Variants in CACNA1C observed in about 807,000 individuals in gnomAD.
CACNA1C encodes the protein voltage-dependent L-type calcium channel subunit alpha-1C.
A neutral mutation model predicts 229.0 loss-of-function variants in CACNA1C; 30 were observed. That is an observed-to-expected ratio of 0.13 (90% confidence interval 0.10 to 0.18). The LOEUF (loss-of-function observed/expected upper bound fraction) is 0.18, where lower values mean the gene tolerates loss of function less well. CACNA1C is among the 10% of genes least tolerant of loss of function. The probability of loss-of-function intolerance (pLI) is 1.00; values close to 1 mark genes in which losing one functional copy is unlikely to be tolerated. For synonymous variants in CACNA1C, 1,114 were observed against 1,132.5 expected (o/e 0.98, Z 0.33); for missense variants, 1,658 against 2,845.0 (o/e 0.58, Z 9.49).
intron 10 of CACNA1C, among the ~76,000 whole-genome samples, chr12:2,554,423 T>C (rs115898685): frequency 2.0e-5 from 3 of 152,304 alleles, no homozygotes; most frequent in East Asian, 3.9e-4. Context: ...TTGTGCCTCA[T>C]TGGAACAACA....
chr12:2,549,636 A>G (rs1292092126), intron 9 of CACNA1C, among the ~76,000 whole-genome samples: 4 of 152,156 alleles, frequency 2.6e-5, no homozygotes, highest in Non-Finnish European at 4.4e-5. Context: ...CAGTCCACAG[A>G]GTGGAGAGGA....
chr12:2,619,941 G>T (rs1311323813), intron 29 of CACNA1C, among the ~76,000 whole-genome samples: 1 of 152,070 alleles, frequency 6.6e-6, no homozygotes, highest in African/African-American at 2.4e-5. Context: ...CCTCTCATTT[G>T]TCACTAGGAA....
chr12:2,169,461 G>A lies in CACNA1C; in HGVS notation c.477+49031G>A, dbSNP rs541444834. Among the ~76,000 whole-genome samples the A allele has an allele frequency of 3.3e-3, 507 of 152,316 alleles. 4 individuals are homozygous for A. The highest frequency in any genetic ancestry group is 0.012 in the African/African-American group (497 of 41,568). ...GAGAAAACATGCTTGTCCTCAGGAA[G>A]GCCCAAGTCTAAGCACCTGCTCATG... On this transcript the variant is annotated intron_variant, in intron 3 of 46. Coordinates refer to ENST00000399655, the MANE Select transcript of CACNA1C (RefSeq NM_000719.7).
chr12:2,243,532 TGGG>T (rs995358007), intron 3 of CACNA1C, among the ~76,000 whole-genome samples: 4 of 152,096 alleles, frequency 2.6e-5, no homozygotes, highest in African/African-American at 4.8e-5. Context: ...GAAGACCACA[TGGG>T]GGGATGATGA....
intron 1 of CACNA1C, among the ~76,000 whole-genome samples, chr12:2,072,047 T>G (rs553777629): frequency 6.6e-6 from 1 of 152,230 alleles, no homozygotes; most frequent in African/African-American, 2.4e-5. Context: ...ATTCGTATAT[T>G]TACCGGAAAG....
intron 18 of CACNA1C, among the ~76,000 whole-genome samples, chr12:2,587,773 C>T (rs1477668398): frequency 6.6e-6 from 1 of 152,060 alleles, no homozygotes; most frequent in Non-Finnish European, 1.5e-5. Context: ...TTTGAGTGTA[C>T]GGCCCGCTCC....
At chr12:2,472,256 G>A (rs1430532057) in intron 5 of CACNA1C, among the ~76,000 whole-genome samples, 3 of 151,910 alleles carry the variant, frequency 2.0e-5, no homozygotes, top group Non-Finnish European at 4.4e-5. Flanking sequence ...ATGGTGTTTG[G>A]CCATGTTATA....
At chr12:2,236,126 G>A (rs1385770614) in intron 3 of CACNA1C, among the ~76,000 whole-genome samples, 12 of 152,170 alleles carry the variant, frequency 7.9e-5, no homozygotes, top group South Asian at 2.1e-4. Context: ...ATCTCAGCCC[G>A]AAGTGTTTTC....
intron 5 of CACNA1C, among the ~76,000 whole-genome samples, chr12:2,482,512 C>T (rs2099680296): frequency 6.6e-6 from 1 of 152,166 alleles, no homozygotes; most frequent in South Asian, 2.1e-4. Flanking sequence ...TGCCTACTTC[C>T]TAGGTTGTTG....
intron 11 of CACNA1C, among the ~76,000 whole-genome samples, chr12:2,565,323 C>T (rs538264455): frequency 2.0e-5 from 3 of 151,704 alleles, no homozygotes; most frequent in South Asian, 4.2e-4. Flanking sequence ...AAAAATTAGC[C>T]GGGCGCGGTG....
intron 3 of CACNA1C, among the ~76,000 whole-genome samples, chr12:2,298,963 G>T (rs946379794): frequency 3.3e-5 from 5 of 152,202 alleles, no homozygotes; most frequent in African/African-American, 1.2e-4. Context: ...GTATGTGTGT[G>T]GGAATGTGGT....
intron 3 of CACNA1C, among the ~76,000 whole-genome samples, chr12:2,208,256 A>AT (rs2097813262): frequency 6.6e-6 from 1 of 152,248 alleles, no homozygotes; most frequent in Non-Finnish European, 1.5e-5. Flanking sequence ...ATGAGAAGAC[A>AT]TTAAAAACAC....
At chr12:2,027,095 A>T (rs1280877085) in intron 1 of CACNA1C, among the ~76,000 whole-genome samples, 1 of 152,234 alleles carries the variant, frequency 6.6e-6, no homozygotes, top group East Asian at 1.9e-4. Flanking sequence ...TCATCAGGCT[A>T]GTAAGCCAGA....
intron 29 of CACNA1C, among the ~76,000 whole-genome samples, chr12:2,627,176 A>G (rs1275732836): frequency 6.6e-6 from 1 of 152,108 alleles, no homozygotes; most frequent in Non-Finnish European, 1.5e-5. Context: ...GTGCTTCTGA[A>G]TTAACACATC....
intron 9 of CACNA1C, among the ~76,000 whole-genome samples, chr12:2,532,233 T>C (rs1430882009): frequency 6.6e-6 from 1 of 152,188 alleles, no homozygotes; most frequent in African/African-American, 2.4e-5. Flanking sequence ...TGCTACACCA[T>C]GTTCCTTCTC....
At chr12:2,568,019 C>T (rs914266923) in intron 13 of CACNA1C, among the ~76,000 whole-genome samples, 1 of 152,146 alleles carries the variant, frequency 6.6e-6, no homozygotes, top group Admixed American at 6.5e-5. Context: ...TGTAAGCAAG[C>T]TAGGGACTTA....
intron 1 of CACNA1C, among the ~76,000 whole-genome samples, chr12:2,035,369 C>CAA (rs2154493102): frequency 6.6e-6 from 1 of 152,290 alleles, no homozygotes; most frequent in South Asian, 2.1e-4. Context: ...TCTTGGAGCC[C>CAA]CTGGGTTCTG....
chr12:2,020,705 T>C (rs1308240530), intron 1 of CACNA1C, among the ~76,000 whole-genome samples: 5 of 152,152 alleles, frequency 3.3e-5, no homozygotes, highest in African/African-American at 1.2e-4. Flanking sequence ...AAATTAGACA[T>C]CATAGCTACA....
At chr12:2,320,708 T>G (rs1056086003) in intron 3 of CACNA1C, among the ~76,000 whole-genome samples, 2 of 152,232 alleles carry the variant, frequency 1.3e-5, no homozygotes, top group African/African-American at 4.8e-5. Context: ...CTCTCCTCCC[T>G]TTCTCTGTGA....
Sources: gnomAD v4.1 joint callset for allele counts (sites outside exome capture counted in the v4.1 genomes callset) on GRCh38, gnomAD v4.1.1 for gene constraint, MANE v1.5 for transcripts, NCBI Gene and HGNC (gene_info 2026-07-23, HGNC 2026-07-21) for gene names.